The following CPA6 variants were observed in gnomAD, a reference collection of about 807,000 sequenced individuals.
CPA6 encodes carboxypeptidase B.
A neutral mutation model predicts 63.3 loss-of-function variants in CPA6; 58 were observed. The ratio of observed to expected loss-of-function variants is 0.92; its 90% confidence interval spans 0.74 to 1.14. The LOEUF is 1.14. Ranked by LOEUF, CPA6 falls within the 50% of genes most tolerant of loss-of-function variation. The pLI, the probability that CPA6 is intolerant of heterozygous loss-of-function variation, is 0.00. For missense variants in CPA6, 565 were observed against 526.6 expected, an observed-to-expected ratio of 1.07 and a Z score of -0.71; for synonymous variants, 185 against 179.0, an observed-to-expected ratio of 1.03 and a Z score of -0.27.
intron 1 of CPA6, among the ~76,000 whole-genome samples, chr8:67,693,390 T>G (rs1035846531): frequency 6.6e-6 from 1 of 152,234 alleles, no homozygotes; most frequent in Non-Finnish European, 1.5e-5. Flanking sequence ...TTGACCACGT[T>G]GGAGTCAGAA....
intron 1 of CPA6, among the ~76,000 whole-genome samples, chr8:67,677,108 T>A (rs1056713211): frequency 6.6e-6 from 1 of 152,022 alleles, no homozygotes; most frequent in African/African-American, 2.4e-5. Flanking sequence ...CCGTCAGGAG[T>A]TGCACAGGGT....
intron 2 of CPA6, among the ~76,000 whole-genome samples, chr8:67,581,253 T>A (rs1813764416): frequency 1.3e-5 from 2 of 152,204 alleles, no homozygotes; most frequent in Non-Finnish European, 2.9e-5. Context: ...TACATGCTTA[T>A]ATGCATGTGG....
At chr8:67,666,354 G>T (rs1349592507) in intron 1 of CPA6, among the ~76,000 whole-genome samples, 1 of 152,154 alleles carries the variant, frequency 6.6e-6, no homozygotes, top group East Asian at 1.9e-4. Context: ...AGTGTACAGT[G>T]CTACCCATTC....
intron 1 of CPA6, chr8:67,732,646 G>T (rs1817728359): frequency 6.6e-6 from 1 of 152,402 alleles, no homozygotes; most frequent in South Asian, 2.1e-4. Flanking sequence ...GGTGGGACCT[G>T]GGAACTCGCG....
At chr8:67,538,057 T>C (rs1812624161) in intron 2 of CPA6, among the ~76,000 whole-genome samples, 1 of 152,204 alleles carries the variant, frequency 6.6e-6, no homozygotes, top group South Asian at 2.1e-4. Flanking sequence ...AGACTGTTTG[T>C]TATGATTTCT....
chr8:67,711,987 TAAG>T (rs998757341), intron 1 of CPA6, among the ~76,000 whole-genome samples: 6 of 152,172 alleles, frequency 3.9e-5, no homozygotes, highest in African/African-American at 1.4e-4. Context: ...CAGATCCACA[TAAG>T]AAGAATTACC....
intron 8 of CPA6, among the ~76,000 whole-genome samples, chr8:67,463,277 C>A (rs1010532104): frequency 1.3e-5 from 2 of 151,896 alleles, no homozygotes; most frequent in Non-Finnish European, 2.9e-5. Flanking sequence ...AACTCTGTCT[C>A]CACTAAAAAT....
chr8:67,611,881 T>C (rs56170962), intron 2 of CPA6, among the ~76,000 whole-genome samples: 6,076 of 152,262 alleles, frequency 0.04, 205 homozygotes, highest in African/African-American at 0.093. Flanking sequence ...ATCTCACCCT[T>C]CTGATAGAGG....
At chr8:67,477,892 TG>T (rs1811277463) in intron 8 of CPA6, among the ~76,000 whole-genome samples, 1 of 152,184 alleles carries the variant, frequency 6.6e-6, no homozygotes, top group South Asian at 2.1e-4. Flanking sequence ...GGTGATATTG[TG>T]AAATATGTAT....
At chr8:67,642,791 TCTCA>T (rs1815623083) in intron 1 of CPA6, among the ~76,000 whole-genome samples, 2 of 89,432 alleles carry the variant, frequency 2.2e-5, no homozygotes, top group South Asian at 3.8e-4. Context: ...TGGGCCTTTA[TCTCA>T]CACACACACA....
chr8:67,682,102 T>G (rs1816611789), intron 1 of CPA6, among the ~76,000 whole-genome samples: 1 of 152,206 alleles, frequency 6.6e-6, no homozygotes, highest in Non-Finnish European at 1.5e-5. Flanking sequence ...AATTTGCTAA[T>G]GTTGGACCTT....
chr8:67,637,623 T>C (rs1348847246), intron 1 of CPA6, among the ~76,000 whole-genome samples: 3 of 151,460 alleles, frequency 2.0e-5, no homozygotes, highest in Non-Finnish European at 2.9e-5. Flanking sequence ...GGAAAGGAGT[T>C]ACAAAGCATA....
intron 2 of CPA6, among the ~76,000 whole-genome samples, chr8:67,612,630 A>G (rs1023590986): frequency 6.6e-6 from 1 of 152,200 alleles, no homozygotes; most frequent in Non-Finnish European, 1.5e-5. Context: ...AACATCTAAG[A>G]GATGTATTTG....
chr8:67,427,340 C>A (rs1313552528), intron 10 of CPA6, among the ~76,000 whole-genome samples: 1 of 152,124 alleles, frequency 6.6e-6, no homozygotes, highest in Non-Finnish European at 1.5e-5. Context: ...CGTTCCTTGT[C>A]CAAAAAGTAT....
At chr8:67,676,223 G>C (rs1358532130) in intron 1 of CPA6, among the ~76,000 whole-genome samples, 1 of 152,192 alleles carries the variant, frequency 6.6e-6, no homozygotes, top group African/African-American at 2.4e-5. Flanking sequence ...CACAGATAAG[G>C]ATCTTTGGGA....
intron 2 of CPA6, among the ~76,000 whole-genome samples, chr8:67,604,707 T>TCAGAGACTGGGAAACATAGGA (rs1231634484): frequency 1.3e-5 from 2 of 152,278 alleles, no homozygotes; most frequent in Non-Finnish European, 1.5e-5. Flanking sequence ...CATACAACGC[T>TCAGAGACTGGGAAACATAGGA]CAGAGACTGG....
At chr8:67,675,350 CT>C (rs1563388309) in intron 1 of CPA6, among the ~76,000 whole-genome samples, 1 of 152,154 alleles carries the variant, frequency 6.6e-6, no homozygotes, top group Non-Finnish European at 1.5e-5. Flanking sequence ...GAGGGGCTGC[CT>C]GCCTGTAACT....
chr8:67,501,060 T>G (rs886413021), intron 6 of CPA6, among the ~76,000 whole-genome samples: 1 of 152,142 alleles, frequency 6.6e-6, no homozygotes, highest in Non-Finnish European at 1.5e-5. Context: ...TCCTTTGCCA[T>G]TCCATATACT....
intron 2 of CPA6, among the ~76,000 whole-genome samples, chr8:67,557,545 T>A (rs922731373): frequency 6.6e-6 from 1 of 152,154 alleles, no homozygotes; most frequent in Non-Finnish European, 1.5e-5. Context: ...AGCAACACTG[T>A]ACAGCTTCAG....
Sources: gnomAD v4.1 joint callset for allele counts (sites outside exome capture counted in the v4.1 genomes callset) on GRCh38, gnomAD v4.1.1 for gene constraint, MANE v1.5 for transcripts, NCBI Gene and HGNC (gene_info 2026-07-23, HGNC 2026-07-21) for gene names.